CACNA1B: variants seen among roughly 807,000 people sequenced by gnomAD.
The protein encoded by CACNA1B is voltage-dependent N-type calcium channel subunit alpha-1B.
A neutral mutation model predicts 247.2 loss-of-function variants in CACNA1B; 70 were observed. That is an observed-to-expected ratio of 0.28 (90% CI 0.23 to 0.35). The LOEUF (loss-of-function observed/expected upper bound fraction) is 0.35. CACNA1B is among the 10% of genes least tolerant of loss of function. CACNA1B has a pLI of 1.00. For synonymous variants in CACNA1B, 1,231 were observed against 1,294.4 expected, an observed-to-expected ratio of 0.95 and a Z score of 1.05; for missense variants, 2,367 against 3,197.4, an observed-to-expected ratio of 0.74 and a Z score of 6.26.
At chr9:137,936,806 T>G (rs1309340404) in intron 6 of CACNA1B, among the ~76,000 whole-genome samples, 1 of 152,242 alleles carries the variant, frequency 6.6e-6, no homozygotes, top group Non-Finnish European at 1.5e-5. Context: ...ATGGTGTTAT[T>G]TCTGAGGCCT....
chr9:138,104,983 C>T (rs372677914), intron 38 of CACNA1B, among the ~76,000 whole-genome samples: 76 of 152,366 alleles, frequency 5.0e-4, no homozygotes, highest in African/African-American at 1.6e-3. Context: ...GAGAGGGAGA[C>T]GGAGCAGAGC....
chr9:138,024,887 G>T, intron 19 of CACNA1B, 68 bp from the exon 20 acceptor site: 6 of 1,125,360 alleles, frequency 5.3e-6, no homozygotes, highest in Non-Finnish European at 7.8e-6. Context: ...TCCTGCCTCT[G>T]CCTCCCGGTG....
At chr9:138,078,353 C>A in intron 36 of CACNA1B, 95 bp downstream of exon 36, 1 of 1,263,184 alleles carries the variant, frequency 7.9e-7, no homozygotes, top group Non-Finnish European at 1.1e-6. Context: ...TGACTCTGAT[C>A]CAGGCCATGT....
At chr9:137,920,857 G>A (rs1957469342) in intron 6 of CACNA1B, among the ~76,000 whole-genome samples, 1 of 152,208 alleles carries the variant, frequency 6.6e-6, no homozygotes, top group Non-Finnish European at 1.5e-5. Context: ...ACTGAGAAAG[G>A]TGATGCCATT....
chr9:138,046,049 G>A (rs371748414), intron 21 of CACNA1B, among the ~76,000 whole-genome samples: 25 of 152,302 alleles, frequency 1.6e-4, no homozygotes, highest in African/African-American at 4.8e-4. Flanking sequence ...TCCCCCACCC[G>A]TAGATGGGCT....
At chr9:137,959,554 TA>T (rs1261064602) in intron 10 of CACNA1B, among the ~76,000 whole-genome samples, 2 of 151,638 alleles carry the variant, frequency 1.3e-5, no homozygotes, top group South Asian at 2.1e-4. Flanking sequence ...ATAGATGAGA[TA>T]AAACTGTGAA....
In CACNA1B at chr9:138,058,374, G is replaced by A. The variant is rs1342775192; in HGVS notation, c.4308+124G>A. 2.0e-6 allele frequency: 2 copies of A among 993,552 alleles called. No individual in the cohort carries two copies. Among genetic ancestry groups the A allele is most frequent in the African/African-American group, 1.6e-5 (1 of 62,644 alleles). 61.5% of individuals were successfully genotyped at this position (993,552 alleles called of 1,614,324 possible). A position where few individuals can be genotyped will look rare whatever the true frequency, so the allele number is the denominator to read the frequency against. The stretch of plus-strand genomic sequence containing the variant: ...GCTGCCACCGTCTGCCAACACAGGG[G>A]CAGGTCCTCCTTTCTCCTGCAGAGG... On this transcript the variant is annotated intron_variant, in intron 28 of 46. Transcript: ENST00000371372. The surrounding 1 kb of genome is among the most constrained non-coding windows in gnomAD (Gnocchi z 4.7).
chr9:137,937,947 CAAAAAAAAAAAAAAA>C (rs57680122), intron 6 of CACNA1B, among the ~76,000 whole-genome samples: 7 of 21,934 alleles, frequency 3.2e-4, no homozygotes, highest in Middle Eastern at 0.05. Context: ...AACTCTGTCT[CAAAAAAAAAAAAAAA>C]AAAAAAAAAA....
rs7030992 is a variant in CACNA1B at position 137,941,898 on chromosome 9, C to T, written c.967-10376C>T. Among the ~76,000 whole-genome samples the T allele has an allele frequency of 4.5e-3, 680 of 152,178 alleles. 5 individuals carry two copies. Among genetic ancestry groups the T allele is most frequent in the African/African-American group, 0.015 (637 of 41,514 alleles). ...TTCTAGAAGATAACATTGGAAAAAC[C>T]CTTGTAGACATTGGCTTAGGCAAGG... On this transcript the variant is annotated intron_variant, in intron 6 of 46. Coordinates refer to ENST00000371372, the MANE Select transcript of CACNA1B (RefSeq NM_000718.4).
intron 31 of CACNA1B, among the ~76,000 whole-genome samples, chr9:138,069,308 C>T (rs1335013495): frequency 2.0e-5 from 3 of 152,068 alleles, no homozygotes; most frequent in South Asian, 2.1e-4. Flanking sequence ...AGCAAGGGCA[C>T]CCAGAGAGAG....
rs1957888734 is a variant in CACNA1B, at chr9:137,952,448, G to A, written c.1070+71G>A. The A allele has an allele frequency of 2.3e-6, 3 of 1,294,996 alleles. No individual in the cohort carries two copies. Among genetic ancestry groups the A allele is most frequent in the Admixed American group, 1.7e-5 (1 of 58,478 alleles). The allele number at this position is 1,294,996 out of a possible 1,614,324, so 80.2% of individuals were successfully genotyped here. ...AGCTGAGGGGTCAACAGGGGCACGT[G>A]TGACACTTGGGGTGGGGGCCTGGCC... On this transcript the variant is annotated intron_variant, in intron 7 of 46. Transcript: ENST00000371372. The surrounding 1 kb of genome is among the most constrained non-coding windows in gnomAD (Gnocchi z 4.8).
rs1957426882 is a variant in CACNA1B, at chr9:137,917,607, G to T, written c.966+176G>T. 6.6e-6 allele frequency among the ~76,000 whole-genome samples: 1 copy of T among 152,152 alleles called. No homozygotes were observed. Among genetic ancestry groups the T allele is most frequent in the South Asian group, 2.1e-4 (1 of 4,828 alleles). On this transcript the variant is annotated intron_variant, in intron 6 of 46. Coordinates refer to ENST00000371372, the MANE Select transcript of CACNA1B (RefSeq NM_000718.4). The surrounding 1 kb of genome is among the most constrained non-coding windows in gnomAD (Gnocchi z 5.5). The stretch of plus-strand genomic sequence containing the variant: ...CTTTCCGGCAGACGCCCCACCCAAG[G>T]GTCCACCACAGGCAGCCTCAGCTCA...
intron 3 of CACNA1B, among the ~76,000 whole-genome samples, chr9:137,909,084 G>A (rs1001040869): frequency 4.7e-5 from 7 of 150,156 alleles, no homozygotes; most frequent in Non-Finnish European, 5.9e-5. Context: ...TCCGCCTCCT[G>A]GGTTCCAGCG....
chr9:137,983,278 G>A (rs1038202904), intron 12 of CACNA1B, among the ~76,000 whole-genome samples: 1 of 152,212 alleles, frequency 6.6e-6, no homozygotes, highest in Admixed American at 6.5e-5. Flanking sequence ...AGACATGGGC[G>A]CTCCTGCTGA....
intron 13 of CACNA1B, 65 bp downstream of exon 13, chr9:137,984,315 C>G: frequency 1.7e-6 from 2 of 1,155,120 alleles, no homozygotes; most frequent in South Asian, 1.3e-5. Context: ...ATCAGCCACA[C>G]AGGGTGCTTG....
intron 20 of CACNA1B, among the ~76,000 whole-genome samples, chr9:138,034,206 T>C (rs1344383006): frequency 1.3e-5 from 2 of 152,144 alleles, no homozygotes; most frequent in African/African-American, 4.8e-5. Flanking sequence ...GCTTGCTCCA[T>C]TGAGTAAGAG....
chr9:137,965,773 A>G (rs1158775079), intron 10 of CACNA1B, among the ~76,000 whole-genome samples: 1 of 152,074 alleles, frequency 6.6e-6, no homozygotes, highest in Non-Finnish European at 1.5e-5. Flanking sequence ...TTTAGTAGAG[A>G]CAGGGTTTCA....
chr9:138,031,108 T>G lies in CACNA1B; in HGVS notation c.3286+5936T>G, dbSNP rs115005411. Among the ~76,000 whole-genome samples, 1,171 of 152,336 alleles carry G rather than the reference T, an allele frequency of 7.7e-3. 8 individuals are homozygous for G. The highest frequency in any genetic ancestry group is 0.026 in the African/African-American group (1,087 of 41,572). On this transcript the variant is annotated intron_variant, in intron 20 of 46. Coordinates refer to ENST00000371372, the MANE Select transcript of CACNA1B (RefSeq NM_000718.4). Reference sequence around the variant, plus strand: ...GCTTTGGGCTTCTTTTGCTCTTCTTTTCTAGTTTCTTGGGGTAGGAGCTTA... The same window carrying G: ...GCTTTGGGCTTCTTTTGCTCTTCTTGTCTAGTTTCTTGGGGTAGGAGCTTA...
Position 138,102,835 on chromosome 9 carries a change from C to T in CACNA1B, c.5319+28C>T, listed in dbSNP as rs749062909. On this transcript the variant is annotated intron_variant, in intron 38 of 46. Transcript: ENST00000371372. This position sits in a 1 kb window ranked among gnomAD's most constrained non-coding sequence, Gnocchi z 5.4. ...AGACCCTGACCCTGCAACCCGCCCCCCAGGAGGCTGTGTGTGCTTGCTGAG... is the reference window on the plus strand; with the variant it reads ...AGACCCTGACCCTGCAACCCGCCCCTCAGGAGGCTGTGTGTGCTTGCTGAG... 6.9e-7 allele frequency: 1 copy of T among 1,454,584 alleles called. No homozygotes were observed. The highest frequency in any genetic ancestry group is 9.6e-7 in the Non-Finnish European group (1 of 1,041,634). The allele number at this position is 1,454,584 out of a possible 1,614,324, so 90.1% of individuals were successfully genotyped here.
Sources: gnomAD v4.1 joint callset for allele counts (sites outside exome capture counted in the v4.1 genomes callset) on GRCh38, gnomAD v4.1.1 for gene constraint, Gnocchi (gnomAD v3.1) non-coding constraint, MANE v1.5 for transcripts, NCBI Gene and HGNC (gene_info 2026-07-23, HGNC 2026-07-21) for gene names.